The following ANO10 variants were observed in gnomAD, a reference collection of about 807,000 sequenced individuals.
ANO10 encodes anoctamin 10.
ANO10 carries 77 observed loss-of-function variants against 74.7 expected under a neutral mutation model. The ratio of observed to expected loss-of-function variants is 1.03; its 90% CI spans 0.86 to 1.25. The LOEUF (loss-of-function observed/expected upper bound fraction) is 1.25. ANO10 is among the 50% of genes most tolerant of loss of function. The pLI is 0.00. For synonymous variants in ANO10, 279 were observed against 284.9 expected (o/e 0.98, Z 0.21); for missense variants, 721 against 778.1 (o/e 0.93, Z 0.87).
chr3:43,616,258 A>G (rs1194834480), intron 1 of ANO10, among the ~76,000 whole-genome samples: 1 of 152,230 alleles, frequency 6.6e-6, no homozygotes, highest in African/African-American at 2.4e-5. Flanking sequence ...AGCCCTCGCT[A>G]TCATGTTACT....
At chr3:43,601,270 A>G (rs2082327023) in intron 2 of ANO10, among the ~76,000 whole-genome samples, 1 of 152,160 alleles carries the variant, frequency 6.6e-6, no homozygotes, top group Admixed American at 6.5e-5. Flanking sequence ...CGGTGGCACG[A>G]TCTTGGCTCA....
At chr3:43,643,083 G>A (rs902627593) in intron 1 of ANO10, among the ~76,000 whole-genome samples, 8 of 150,678 alleles carry the variant, frequency 5.3e-5, no homozygotes, top group Non-Finnish European at 1.2e-4. Flanking sequence ...CCAGGCTGGA[G>A]TGCAGTGGCG....
At chr3:43,457,223 T>C (rs1333647992) in intron 11 of ANO10, among the ~76,000 whole-genome samples, 4 of 152,252 alleles carry the variant, frequency 2.6e-5, no homozygotes, top group African/African-American at 9.6e-5. Flanking sequence ...AGCAGATTGC[T>C]AAATACACAT....
At chr3:43,622,467 G>C (rs980762685), upstream of ANO10, among the ~76,000 whole-genome samples, 2 of 152,178 alleles carry the variant, frequency 1.3e-5, no homozygotes, top group African/African-American at 4.8e-5. Context: ...ATCTCTTAAA[G>C]ACCAGAACCT....
chr3:43,473,830 G>T (rs922078532), intron 11 of ANO10, among the ~76,000 whole-genome samples: 1 of 152,128 alleles, frequency 6.6e-6, no homozygotes, highest in African/African-American at 2.4e-5. Context: ...TATTGGGTGG[G>T]GTTGTGGGGA....
At chr3:43,479,140 A>C (rs1379719702) in intron 11 of ANO10, among the ~76,000 whole-genome samples, 3 of 152,192 alleles carry the variant, frequency 2.0e-5, no homozygotes, top group Non-Finnish European at 2.9e-5. Context: ...CTTTTGTTTA[A>C]TAACAGAAAA....
chr3:43,527,858 A>G lies in ANO10; in HGVS notation c.1797+21862T>C, dbSNP rs1026687720. ...AGAGAGTTTCTAGAGAATCAAAAGGATAGTGCTTGAAAATGCACAGAATCA... is the reference window on the plus strand; with the variant it reads ...AGAGAGTTTCTAGAGAATCAAAAGGGTAGTGCTTGAAAATGCACAGAATCA... On this transcript the variant is annotated intron_variant, in intron 11 of 12. Transcript: ENST00000292246. Among the ~76,000 whole-genome samples, 3 of 152,302 alleles carry G rather than the reference A, an allele frequency of 2.0e-5. No homozygotes were observed. In the South Asian group the frequency reaches 6.2e-4, roughly 32 times the overall value.
intron 11 of ANO10, among the ~76,000 whole-genome samples, chr3:43,540,045 CA>C (rs2078888873): frequency 6.6e-6 from 1 of 152,132 alleles, no homozygotes; most frequent in Non-Finnish European, 1.5e-5. Context: ...GGTTTTTCAA[CA>C]AAACAAGTAT....
At chr3:43,618,933 C>A (rs1340863947) in intron 1 of ANO10, among the ~76,000 whole-genome samples, 1 of 152,158 alleles carries the variant, frequency 6.6e-6, no homozygotes, top group East Asian at 1.9e-4. Context: ...TCCCGAGTAG[C>A]TGGAACTACA....
chr3:43,432,815 T>C (rs1367131810), intron 11 of ANO10, 88 bp from the exon 12 acceptor site: 3 of 929,194 alleles, frequency 3.2e-6, no homozygotes, highest in African/African-American at 1.6e-5. Context: ...TCTAGGATTA[T>C]TTATATTAAT....
chr3:43,377,242 C>T (rs1272756144), intron 12 of ANO10, among the ~76,000 whole-genome samples: 1 of 152,098 alleles, frequency 6.6e-6, no homozygotes, highest in African/African-American at 2.4e-5. Flanking sequence ...TGTGCCACTA[C>T]ACCCAGCTAA....
At chr3:43,677,913 C>G (rs558723705) in intron 1 of ANO10, among the ~76,000 whole-genome samples, 1 of 152,342 alleles carries the variant, frequency 6.6e-6, no homozygotes, top group Non-Finnish European at 1.5e-5. Context: ...TTGGTCAAAA[C>G]AAGTCACAAG....
At chr3:43,595,642 C>T (rs1048556425) in intron 4 of ANO10, among the ~76,000 whole-genome samples, 1 of 152,088 alleles carries the variant, frequency 6.6e-6, no homozygotes, top group African/African-American at 2.4e-5. Context: ...ATGACAAACC[C>T]ACAGCCAATA....
intron 11 of ANO10, among the ~76,000 whole-genome samples, chr3:43,465,103 C>T (rs1050878959): frequency 1.3e-5 from 2 of 152,088 alleles, no homozygotes; most frequent in African/African-American, 4.8e-5. Context: ...CAGAGTAAAT[C>T]CTAAGTTTTA....
intron 12 of ANO10, chr3:43,372,953 T>G: frequency 8.9e-7 from 1 of 1,125,382 alleles, no homozygotes; most frequent in South Asian, 1.5e-5. Flanking sequence ...GAAAAGCCTC[T>G]TTTCTCATGT....
At chr3:43,636,959 T>A (rs1346396683) in intron 1 of ANO10, among the ~76,000 whole-genome samples, 1 of 152,036 alleles carries the variant, frequency 6.6e-6, no homozygotes, top group African/African-American at 2.4e-5. Flanking sequence ...GCCCTGGAAT[T>A]CAAAACCAGC....
chr3:43,691,416 G>C (rs1452087435), intron 1 of ANO10: 3 of 170,618 alleles, frequency 1.8e-5, no homozygotes, highest in Admixed American at 6.3e-5. Context: ...CCCCAATGCC[G>C]CCGGCGGGCG....
intron 4 of ANO10, among the ~76,000 whole-genome samples, chr3:43,588,564 T>TTA (rs1553727223): frequency 6.9e-6 from 1 of 144,874 alleles, no homozygotes; most frequent in Admixed American, 6.9e-5. Flanking sequence ...ATTTACTTAG[T>TTA]AAAAAAAAAA....
chr3:43,486,015 G>A (rs1825228), intron 11 of ANO10: 4,137 of 261,450 alleles, frequency 0.016, 64 homozygotes, highest in South Asian at 0.025. Context: ...GCTGCCACAG[G>A]GCCAGCAGAC....
Sources: allele counts gnomAD v4.1 joint callset (sites outside exome capture counted in the v4.1 genomes callset), GRCh38; gene constraint gnomAD v4.1.1; transcripts MANE v1.5; gene names NCBI Gene and HGNC (gene_info 2026-07-23, HGNC 2026-07-21).